The following FAM53A variants were observed in gnomAD, a reference collection of about 807,000 sequenced individuals.
FAM53A encodes family with sequence similarity 53 member A, also known as protein FAM53A.
Under a neutral mutation model 26.6 loss-of-function variants are expected in FAM53A, and 28 were observed. That is an observed-to-expected ratio of 1.05 (90% CI 0.78 to 1.45). The LOEUF (loss-of-function observed/expected upper bound fraction) is 1.45. Among genes scored for constraint, FAM53A ranks in the 40% most tolerant of loss-of-function variants. The pLI is 0.00. For missense variants in FAM53A, 650 were observed against 575.8 expected (o/e 1.13, Z -1.32); for synonymous variants, 290 against 253.1 (o/e 1.15, Z -1.38).
intron 2 of FAM53A, among the ~76,000 whole-genome samples, chr4:1,661,408 C>A (rs920685652): frequency 6.6e-6 from 1 of 152,220 alleles, no homozygotes; most frequent in Admixed American, 6.5e-5. Flanking sequence ...CACCTGCTTC[C>A]CACCCGCCTC....
At chr4:1,655,792 G>T in intron 3 of FAM53A, 69 bp from the exon 4 acceptor site, 1 of 1,441,362 alleles carries the variant, frequency 6.9e-7, no homozygotes, top group Non-Finnish European at 9.1e-7. Flanking sequence ...CATCCATCCC[G>T]GCAAACAGCC....
intron 4 of FAM53A, 56 bp from the exon 5 acceptor site, chr4:1,641,663 G>A (rs1327872355): frequency 1.3e-6 from 2 of 1,579,470 alleles, no homozygotes; most frequent in East Asian, 4.5e-5. Context: ...ACAGGAGGCA[G>A]CATCCCACCA....
downstream of FAM53A, among the ~76,000 whole-genome samples, chr4:1,614,874 G>A (rs773914451): frequency 1.2e-4 from 18 of 152,092 alleles, no homozygotes; most frequent in Admixed American, 8.5e-4. Flanking sequence ...ATTTCTCCAC[G>A]GGGTGCCCCA....
intron 3 of FAM53A, among the ~76,000 whole-genome samples, chr4:1,656,466 C>T (rs1027575598): frequency 2.8e-4 from 42 of 152,130 alleles, no homozygotes; most frequent in Non-Finnish European, 1.9e-4. Context: ...GGGAAAGGCC[C>T]TGGGATGACC....
chr4:1,648,791 G>C (rs931480371), intron 4 of FAM53A, among the ~76,000 whole-genome samples: 1 of 152,210 alleles, frequency 6.6e-6, no homozygotes, highest in Non-Finnish European at 1.5e-5. Context: ...CCACATCACT[G>C]TTCTGGCTCA....
the FAM53A span, among the ~76,000 whole-genome samples, chr4:1,607,904 C>T: frequency 6.6e-6 from 1 of 150,576 alleles, no homozygotes; most frequent in Non-Finnish European, 1.5e-5. Flanking sequence ...CACGCCACTG[C>T]ACTCCAACCT....
the FAM53A span, among the ~76,000 whole-genome samples, chr4:1,584,607 C>T: frequency 6.6e-6 from 1 of 152,216 alleles, no homozygotes. Flanking sequence ...GCTAGAGCCA[C>T]CTGGGCTGGA....
At chr4:1,615,130 A>G (rs1036052656), downstream of FAM53A, among the ~76,000 whole-genome samples, 2 of 145,702 alleles carry the variant, frequency 1.4e-5, no homozygotes, top group Admixed American at 6.8e-5. Flanking sequence ...GGCAGGATGC[A>G]GCCACGCCCA....
intron 4 of FAM53A, among the ~76,000 whole-genome samples, chr4:1,642,404 G>A (rs560733265): frequency 1.3e-5 from 2 of 152,174 alleles, no homozygotes; most frequent in African/African-American, 4.8e-5. Context: ...CTGCCCTCCG[G>A]AGGTGCCGCC....
At chr4:1,619,004 G>C (rs1399634623) in intron 1 of FAM53A, among the ~76,000 whole-genome samples, 2 of 152,208 alleles carry the variant, frequency 1.3e-5, no homozygotes, top group Non-Finnish European at 2.9e-5. Flanking sequence ...ACAAGACGGG[G>C]AAGGGGATGC....
At chr4:1,605,192 G>C in the FAM53A span, among the ~76,000 whole-genome samples, 27 of 152,178 alleles carry the variant, frequency 1.8e-4, no homozygotes, top group African/African-American at 5.3e-4. This position sits in a 1 kb window ranked among gnomAD's most constrained non-coding sequence, Gnocchi z 5.7. Flanking sequence ...ATTCAGAGTA[G>C]GCGGTGGGGG....
the FAM53A span, among the ~76,000 whole-genome samples, chr4:1,583,166 G>A: frequency 9.2e-5 from 14 of 152,222 alleles, 1 homozygote; most frequent in South Asian, 4.1e-4. Context: ...GGGTGCCAGA[G>A]ACCCAGCAAA....
the FAM53A span, among the ~76,000 whole-genome samples, chr4:1,595,438 C>T: frequency 3.3e-5 from 5 of 152,174 alleles, no homozygotes; most frequent in Admixed American, 6.5e-5. Flanking sequence ...CACCACAGGC[C>T]GGGGACAGCA....
At chr4:1,657,622 T>C (rs1713494560) in intron 2 of FAM53A, among the ~76,000 whole-genome samples, 154 bp from the exon 3 acceptor site, 1 of 152,206 alleles carries the variant, frequency 6.6e-6, no homozygotes, top group African/African-American at 2.4e-5. Context: ...CCTAACAAAA[T>C]TCAACTGAGT....
the FAM53A span, among the ~76,000 whole-genome samples, chr4:1,596,196 T>C: frequency 1.3e-5 from 2 of 152,230 alleles, no homozygotes; most frequent in African/African-American, 2.4e-5. Flanking sequence ...ATGCATGGTC[T>C]GGTGGGGGCT....
the FAM53A span, among the ~76,000 whole-genome samples, chr4:1,605,528 G>A: frequency 1.3e-3 from 205 of 152,288 alleles, 1 homozygote; most frequent in Admixed American, 3.7e-3. This position sits in a 1 kb window ranked among gnomAD's most constrained non-coding sequence, Gnocchi z 5.7. Flanking sequence ...AGGGGACGAC[G>A]CGCAACCACT....
At chr4:1,585,635 G>T in the FAM53A span, among the ~76,000 whole-genome samples, 1 of 152,092 alleles carries the variant, frequency 6.6e-6, no homozygotes, top group Non-Finnish European at 1.5e-5. Context: ...GTCCACACAT[G>T]AGTGGATCAC....
the FAM53A span, among the ~76,000 whole-genome samples, chr4:1,605,455 C>T: frequency 6.6e-6 from 1 of 152,174 alleles, no homozygotes; most frequent in Non-Finnish European, 1.5e-5. The surrounding 1 kb of genome is among the most constrained non-coding windows in gnomAD (Gnocchi z 5.7). Context: ...CTTCCAGGGG[C>T]TGGGCGTGGA....
the FAM53A span, among the ~76,000 whole-genome samples, chr4:1,593,224 G>A: frequency 2.0e-5 from 3 of 152,130 alleles, no homozygotes; most frequent in South Asian, 2.1e-4. Context: ...TGGCCCAGGC[G>A]CCTGGTCTGC....
Sources: gnomAD v4.1 joint callset for allele counts (sites outside exome capture counted in the v4.1 genomes callset) on GRCh38, gnomAD v4.1.1 for gene constraint, Gnocchi (gnomAD v3.1) non-coding constraint, MANE v1.5 for transcripts, NCBI Gene and HGNC (gene_info 2026-07-23, HGNC 2026-07-21) for gene names.